CCR3: variants seen among roughly 807,000 people sequenced by gnomAD.
The protein encoded by CCR3 is C-C motif chemokine receptor 3.
For synonymous variants in CCR3, 203 were observed against 179.2 expected, an observed-to-expected ratio of 1.13 and a Z score of -1.06; for missense variants, 419 against 437.5, an observed-to-expected ratio of 0.96 and a Z score of 0.38.
intron 2 of CCR3, among the ~76,000 whole-genome samples, chr3:46,214,565 C>T (rs1289451094): frequency 6.6e-6 from 1 of 152,134 alleles, no homozygotes; most frequent in Non-Finnish European, 1.5e-5. Context: ...AGGGATGTGG[C>T]TGCTGGGGTC....
chr3:46,233,019 G>A (rs1016339612), intron 2 of CCR3, among the ~76,000 whole-genome samples: 1 of 152,226 alleles, frequency 6.6e-6, no homozygotes, highest in Non-Finnish European at 1.5e-5. Context: ...TTTTCGTAGA[G>A]ACGGGGTTTC....
intron 2 of CCR3, among the ~76,000 whole-genome samples, chr3:46,225,315 T>C (rs1314466434): frequency 6.6e-6 from 1 of 152,194 alleles, no homozygotes; most frequent in African/African-American, 2.4e-5. Flanking sequence ...ACTTAAGATT[T>C]AGGCATTAAC....
chr3:46,247,193 A>G (rs75393316), intron 1 of CCR3, among the ~76,000 whole-genome samples: 3 of 152,120 alleles, frequency 2.0e-5, no homozygotes, highest in African/African-American at 7.2e-5. Context: ...TGATGGCTTG[A>G]AAAAACAGTG....
At chr3:46,244,721 T>C (rs1559531746) in intron 1 of CCR3, among the ~76,000 whole-genome samples, 1 of 152,230 alleles carries the variant, frequency 6.6e-6, no homozygotes, top group South Asian at 2.1e-4. Flanking sequence ...CAGGGCATTT[T>C]CACTTCTTTT....
intron 2 of CCR3, among the ~76,000 whole-genome samples, chr3:46,215,259 G>A (rs931194723): frequency 6.6e-6 from 1 of 152,130 alleles, no homozygotes; most frequent in African/African-American, 2.4e-5. Context: ...GTCAAGCATG[G>A]AGTAGTTAAG....
At chr3:46,256,716 A>G (rs1055162487) in intron 1 of CCR3, among the ~76,000 whole-genome samples, 1 of 152,162 alleles carries the variant, frequency 6.6e-6, no homozygotes, top group Admixed American at 6.6e-5. Flanking sequence ...CAATGTATAA[A>G]TGCATATCAC....
rs369549604 is a variant in CCR3 at position 46,229,927 on chromosome 3, A to C, written c.-67-12475A>C. Among the ~76,000 whole-genome samples the C allele has an allele frequency of 2.6e-5, 4 of 152,310 alleles. No individual in the cohort carries two copies. The East Asian group carries it at 5.8e-4, about 22-fold the overall frequency. On this transcript the variant is annotated intron_variant, in intron 2 of 3. Transcript: ENST00000357422. ...GCCAAGTAAGAGCGTGGTCCCAGGC[A>C]GAGCCCTTAGGGTAGCCCTTATCCC...
At position 46,265,927 on chromosome 3, in the gene CCR3, G is replaced by C. The variant is rs1340668565; in HGVS notation, c.769G>C (p.Val257Leu). ...VFFIFWTPYNVAILLSSYQSI... is the reference protein window; with the variant it reads ...VFFIFWTPYNLAILLSSYQSI... ...TTTCATTTTCTGGACACCCTACAATGTGGCTATCCTTCTCTCTTCCTATCA... is the reference window on the plus strand; with the variant it reads ...TTTCATTTTCTGGACACCCTACAATCTGGCTATCCTTCTCTCTTCCTATCA... The change falls in exon 2 of 2, where the codon GTG (valine) becomes CTG (leucine). Residue 257 changes from valine to leucine, a missense_variant. Transcript: ENST00000395940. The C allele has an allele frequency of 6.2e-7, 1 of 1,614,004 alleles. No individual in the cohort carries two copies. The highest frequency in any genetic ancestry group is 8.5e-7 in the Non-Finnish European group (1 of 1,180,030).
At chr3:46,211,475 C>T (rs546295372) in intron 2 of CCR3, among the ~76,000 whole-genome samples, 1 of 151,880 alleles carries the variant, frequency 6.6e-6, no homozygotes, top group African/African-American at 2.4e-5. Context: ...CCTCTTGCCC[C>T]AGCCTCCCAA....
chr3:46,233,121 G>A (rs958489397), intron 2 of CCR3, among the ~76,000 whole-genome samples: 1 of 152,236 alleles, frequency 6.6e-6, no homozygotes, highest in African/African-American at 2.4e-5. Context: ...GTGAGCCACT[G>A]CACCCGGCCC....
intron 1 of CCR3, among the ~76,000 whole-genome samples, chr3:46,245,941 A>G (rs972500710): frequency 9.2e-5 from 14 of 152,160 alleles, no homozygotes; most frequent in African/African-American, 2.9e-4. Context: ...TCTTTATCCA[A>G]TCTGTCATTG....
In CCR3 at chr3:46,266,324, C is replaced by T. The variant is rs1700634305; in HGVS notation, c.*98C>T. ...ACCTCTAAAACAGTCCTTCAAACTT[C>T]CAGTGCAACACTGAAGCTCTTGAAG... On this transcript the variant is annotated 3_prime_UTR_variant, in exon 2 of 2. Coordinates refer to ENST00000395940, the MANE Select transcript of CCR3 (RefSeq NM_178329.3). 2 of 716,494 alleles carry T rather than the reference C, an allele frequency of 2.8e-6. 1 individual carries two copies. The highest frequency in any genetic ancestry group is 5.1e-4 in the Middle Eastern group (2 of 3,906). The allele number at this position is 716,494 out of a possible 1,614,324, so 44.4% of individuals were successfully genotyped here. A position where few individuals can be genotyped will look rare whatever the true frequency, so the allele number is the denominator to read the frequency against.
intron 1 of CCR3, among the ~76,000 whole-genome samples, chr3:46,243,771 TA>T (rs1700141918): frequency 6.6e-6 from 1 of 152,094 alleles, no homozygotes; most frequent in African/African-American, 2.4e-5. Flanking sequence ...TTGTATGACT[TA>T]ATAAGAAAAA....
At chr3:46,246,958 G>C (rs1700206201) in intron 1 of CCR3, among the ~76,000 whole-genome samples, 1 of 151,912 alleles carries the variant, frequency 6.6e-6, no homozygotes, top group African/African-American at 2.4e-5. Context: ...TTGTCGTATA[G>C]AATGATTGGT....
intron 1 of CCR3, among the ~76,000 whole-genome samples, chr3:46,243,021 T>TATATATA (rs1700123419): frequency 1.6e-5 from 1 of 63,388 alleles, no homozygotes; most frequent in Non-Finnish European, 2.8e-5. Context: ...ACACATACAT[T>TATATATA]TTTATATATA....
intron 1 of CCR3, among the ~76,000 whole-genome samples, chr3:46,258,251 C>T (rs1180329548): frequency 6.6e-6 from 1 of 152,190 alleles, no homozygotes; most frequent in Non-Finnish European, 1.5e-5. Context: ...ATACACATCT[C>T]CTTAAACCAT....
At chr3:46,243,156 C>T (rs1395487061) in intron 1 of CCR3, among the ~76,000 whole-genome samples, 1 of 151,780 alleles carries the variant, frequency 6.6e-6, no homozygotes, top group Non-Finnish European at 1.5e-5. Flanking sequence ...CAAATATCCT[C>T]CAGTACCCTT....
At chr3:46,229,106 T>A (rs1699934089) in intron 2 of CCR3, among the ~76,000 whole-genome samples, 1 of 152,198 alleles carries the variant, frequency 6.6e-6, no homozygotes, top group African/African-American at 2.4e-5. Flanking sequence ...TGTGGTCATA[T>A]CACTGAGTTG....
At chr3:46,250,998 G>A (rs933895634) in intron 1 of CCR3, among the ~76,000 whole-genome samples, 4 of 151,964 alleles carry the variant, frequency 2.6e-5, no homozygotes, top group Non-Finnish European at 5.9e-5. Flanking sequence ...AGGGATTGGG[G>A]GTTCTTGCCC....
Sources: allele counts gnomAD v4.1 joint callset (sites outside exome capture counted in the v4.1 genomes callset), GRCh38; gene constraint gnomAD v4.1.1; transcripts MANE v1.5; gene names NCBI Gene and HGNC (gene_info 2026-07-23, HGNC 2026-07-21).